The following USO1 variants were observed in gnomAD, a reference collection of about 807,000 sequenced individuals.
USO1 encodes general vesicular transport factor p115.
In USO1, 57 loss-of-function variants were observed where a neutral mutation model predicts 124.5. That is an observed-to-expected ratio of 0.46 (90% CI 0.37 to 0.57). The LOEUF (loss-of-function observed/expected upper bound fraction) is 0.57, where lower values mean the gene tolerates loss of function less well. USO1 is among the 20% of genes least tolerant of loss of function. The pLI is 0.00. For synonymous variants in USO1, 369 were observed against 362.8 expected (o/e 1.02, Z -0.19); for missense variants, 900 against 1,040.6 (o/e 0.86, Z 1.86).
At chr4:75,770,356 C>A in intron 4 of USO1, 83 bp from the exon 5 acceptor site, 1 of 1,290,192 alleles carries the variant, frequency 7.8e-7, no homozygotes, top group Non-Finnish European at 1.0e-6. Flanking sequence ...GGAAAATTAT[C>A]ATTCACGCTT....
intron 9 of USO1, among the ~76,000 whole-genome samples, chr4:75,785,635 A>T (rs961472356): frequency 6.6e-6 from 1 of 152,092 alleles, no homozygotes; most frequent in African/African-American, 2.4e-5. Context: ...TTGCTATTAG[A>T]TCTCTTTTTA....
At position 75,755,984 on chromosome 4, in the gene USO1, C is replaced by G. The variant is rs560335226; in HGVS notation, c.219-1513C>G. 1.3e-4 allele frequency among the ~76,000 whole-genome samples: 20 copies of G among 151,988 alleles called. No individual in the cohort carries two copies. In the East Asian group the frequency reaches 3.7e-3, roughly 28 times the overall value. ...AGGAGATCGAGACCATCCTGGCTAACACGGTGAAACCCCATCTCTACTAAA... is the reference window on the plus strand; with the variant it reads ...AGGAGATCGAGACCATCCTGGCTAAGACGGTGAAACCCCATCTCTACTAAA... On this transcript the variant is annotated intron_variant, in intron 3 of 23. Coordinates refer to ENST00000514213, the MANE Select transcript of USO1 (RefSeq NM_003715.4).
At chr4:75,799,951 T>A (rs1722797006) in intron 14 of USO1, among the ~76,000 whole-genome samples, 1 of 151,906 alleles carries the variant, frequency 6.6e-6, no homozygotes, top group Non-Finnish European at 1.5e-5. Flanking sequence ...AAATTTCTTT[T>A]TTTTTTTTTT....
chr4:75,743,808 G>A (rs1329612132), intron 1 of USO1, among the ~76,000 whole-genome samples: 2 of 151,882 alleles, frequency 1.3e-5, no homozygotes, highest in African/African-American at 4.8e-5. Flanking sequence ...ACAGAGTCTC[G>A]CTCTGTCACC....
chr4:75,770,776 A>G, intron 5 of USO1, 46 bp from the exon 6 acceptor site: 1 of 1,574,890 alleles, frequency 6.3e-7, no homozygotes, highest in South Asian at 1.2e-5. Context: ...TTTTTCTCGA[A>G]AATGTGAATT....
intron 13 of USO1, among the ~76,000 whole-genome samples, chr4:75,799,322 C>T (rs1027112871): frequency 6.6e-6 from 1 of 151,232 alleles, no homozygotes; most frequent in Non-Finnish European, 1.5e-5. Context: ...TTAAAGCCTC[C>T]ACACTGATTT....
chr4:75,794,387 C>A (rs1054728946), intron 13 of USO1, among the ~76,000 whole-genome samples: 1 of 152,112 alleles, frequency 6.6e-6, no homozygotes, highest in Non-Finnish European at 1.5e-5. Context: ...ATCCTTAAGT[C>A]CCCGGTGCAT....
chr4:75,744,998 G>A, intron 1 of USO1: 1 of 425,106 alleles, frequency 2.4e-6, no homozygotes, highest in Non-Finnish European at 4.6e-6. Context: ...CTTAAATTTA[G>A]GTCTTTCCGT....
At position 75,806,539 on chromosome 4, in the gene USO1, T is replaced by C. The variant is rs371929506; in HGVS notation, c.2343T>C (p.Ala781=). Reference sequence around the variant, plus strand: ...AACAGTCTTCAGCAATAGTTTCAGCTAGAGATTCTGAACAAGTTGCAGAAT... The same window carrying C: ...AACAGTCTTCAGCAATAGTTTCAGCCAGAGATTCTGAACAAGTTGCAGAAT... ...TNEQSSAIVS[A]RDSEQVAELK... is the part of the protein sequence containing the mutation. Residue 781 remains alanine (A), a synonymous_variant, in exon 20 of 24, where the codon GCT becomes GCC. Transcript: ENST00000514213. The C allele has an allele frequency of 2.6e-6, 4 of 1,560,758 alleles. No individual in the cohort carries two copies. The highest frequency in any genetic ancestry group is 4.7e-5 in the East Asian group (2 of 42,272).
At chr4:75,731,561 CA>C (rs35766448) in intron 1 of USO1, among the ~76,000 whole-genome samples, 120,994 of 138,260 alleles carry the variant, frequency 0.88, 52,484 homozygotes, top group African/African-American at 0.92. Context: ...GACTCCGTCT[CA>C]AAAAAAAAAA....
chr4:75,783,848 T>C (rs1229170254), intron 9 of USO1, among the ~76,000 whole-genome samples: 1 of 152,224 alleles, frequency 6.6e-6, no homozygotes. Flanking sequence ...TAAAAACTGT[T>C]ACAAAAGTAT....
chr4:75,733,300 G>A (rs1720692560), intron 1 of USO1, among the ~76,000 whole-genome samples: 1 of 152,068 alleles, frequency 6.6e-6, no homozygotes, highest in Admixed American at 6.6e-5. Context: ...TGTATTAGCT[G>A]CATGACAAAT....
rs201377423 is a variant in USO1 at position 75,782,753 on chromosome 4, T to A, written c.750T>A (p.Phe250Leu). The A allele has an allele frequency of 4.7e-5, 75 of 1,587,412 alleles. No individual in the cohort carries two copies. The highest frequency in any genetic ancestry group is 5.6e-5 in the Non-Finnish European group (65 of 1,168,422). ...ACAACAACTCCAATCAAAATTTTTT[T>A]AAAGAAGGCTCATATATTCAACGTA... ...LKNNNSNQNF[F>L]KEGSYIQRMK... Residue 250 changes from phenylalanine (F) to leucine (L), a missense_variant, in exon 9 of 24, where the codon TTT becomes TTA. Phe to Leu is a conservative substitution (Grantham distance 22). Around this residue, in one of 2 missense-constraint regions of USO1, gnomAD observed 538 missense variants for 681.6 expected, o/e 0.79. Coordinates refer to ENST00000514213, the MANE Select transcript of USO1 (RefSeq NM_003715.4).
In USO1 at chr4:75,801,163, A is replaced by G; in HGVS notation, c.1949A>G (p.Asn650Ser). 2.5e-6 allele frequency: 4 copies of G among 1,610,942 alleles called. No homozygotes were observed. Among genetic ancestry groups the G allele is most frequent in the East Asian group, 2.2e-5 (1 of 44,672 alleles). ...EVKKTLEQHD[N>S]IVTHYKNMIR... ...AAAAAAACATTAGAACAGCATGACAATATTGTGACTCACTACAAAAATATG... is the reference window on the plus strand; with the variant it reads ...AAAAAAACATTAGAACAGCATGACAGTATTGTGACTCACTACAAAAATATG... Residue 650 changes from asparagine to serine, a missense_variant, in exon 17 of 24, where the codon AAT becomes AGT. By Grantham distance (46) the Asn-to-Ser change is conservative. This residue lies in a region of USO1 where 362 missense variants were observed against 359.0 expected (regional missense o/e 1.01). Transcript: ENST00000514213.
chr4:75,780,362 G>A (rs555140126), intron 8 of USO1, among the ~76,000 whole-genome samples: 66 of 151,876 alleles, frequency 4.3e-4, no homozygotes, highest in Non-Finnish European at 8.4e-4. Context: ...TGCCTCCTAG[G>A]TTCAAGCAAT....
chr4:75,763,714 T>C (rs1721688401), intron 4 of USO1, among the ~76,000 whole-genome samples: 1 of 152,156 alleles, frequency 6.6e-6, no homozygotes. Context: ...AGGTTATAAA[T>C]GCACAATATA....
chr4:75,740,746 ATTTCT>A lies in USO1; in HGVS notation c.67-11624_67-11620del, dbSNP rs1254171658. 5.3e-5 allele frequency among the ~76,000 whole-genome samples: 8 copies of A among 152,316 alleles called. No homozygotes were observed. The East Asian group carries it at 1.2e-3, about 22-fold the overall frequency. ...AATAAAAGCAAGATCTAATATGGAA[ATTTCT>A]TTAATTTTTTTCTCTTTATTTATTG... On this transcript the variant is annotated intron_variant, in intron 1 of 23. Transcript: ENST00000514213.
Position 75,724,771 on chromosome 4 carries a change from C to T in USO1, c.-49C>T. 2 of 1,606,378 alleles carry T rather than the reference C, an allele frequency of 1.2e-6. No homozygotes were observed. Among genetic ancestry groups the T allele is most frequent in the Non-Finnish European group, 1.7e-6 (2 of 1,173,962 alleles). On this transcript the variant is annotated 5_prime_UTR_variant, in exon 1 of 24. Coordinates refer to ENST00000514213, the MANE Select transcript of USO1 (RefSeq NM_003715.4). Reference sequence around the variant, plus strand: ...CCCTGCGGAGGGCGGGGGAAGTTGTCTTCTTTTTTTTCCGGAGGGGCCGGT... The same window carrying T: ...CCCTGCGGAGGGCGGGGGAAGTTGTTTTCTTTTTTTTCCGGAGGGGCCGGT...
At chr4:75,767,192 C>G (rs888367310) in intron 4 of USO1, among the ~76,000 whole-genome samples, 1 of 152,112 alleles carries the variant, frequency 6.6e-6, no homozygotes, top group Non-Finnish European at 1.5e-5. Flanking sequence ...CCTTCCCTCC[C>G]TTGTTGATTT....
Sources: allele counts gnomAD v4.1 joint callset (sites outside exome capture counted in the v4.1 genomes callset), GRCh38; gene constraint gnomAD v4.1.1; regional missense constraint gnomAD v4.1.1; transcripts MANE v1.5; gene names NCBI Gene and HGNC (gene_info 2026-07-23, HGNC 2026-07-21).